The following NBPF20 variants were observed in gnomAD, a reference collection of about 807,000 sequenced individuals.
NBPF20 encodes the protein NBPF member 20.
A neutral mutation model predicts 68.1 loss-of-function variants in NBPF20; 90 were observed. The observed-to-expected ratio is 1.32, with a 90% CI of 1.11 to 1.58. The LOEUF (loss-of-function observed/expected upper bound fraction) is 1.58. Ranked by LOEUF, NBPF20 falls within the 40% of genes most tolerant of loss-of-function variation. The pLI is 0.00. For synonymous variants in NBPF20, 290 were observed against 228.1 expected, an observed-to-expected ratio of 1.27 and a Z score of -2.45; for missense variants, 816 against 601.2, an observed-to-expected ratio of 1.36 and a Z score of -3.74.
In NBPF20 at chr1:145,309,450, A is replaced by G. The variant is rs1196329402; in HGVS notation, c.13938-202T>C. On this transcript the variant is annotated intron_variant, in intron 115 of 137. Coordinates refer to ENST00000369373, the Ensembl canonical transcript of NBPF20. ...ATGAAAGAGAAAGACAGATAGACAC[A>G]CACACACACACACACACACACACAC... is the stretch of plus-strand genomic sequence containing the variant. Among the ~76,000 whole-genome samples the G allele has an allele frequency of 3.7e-5, 2 of 54,632 alleles. 1 individual carries two copies. Among genetic ancestry groups the G allele is most frequent in the Non-Finnish European group, 7.6e-5 (2 of 26,240 alleles). The allele number at this position is 54,632 out of a possible 152,430, so 35.8% of individuals were successfully genotyped here. A position where few individuals can be genotyped will look rare whatever the true frequency, so the allele number is the denominator to read the frequency against.
chr1:145,401,079 C>A, exon 5 of NBPF20: 4 of 1,608,354 alleles, frequency 2.5e-6, no homozygotes, highest in Non-Finnish European at 3.4e-6. Flanking sequence ...ACGATTTCTG[C>A]ACTTTCTCAG....
intron 136 of NBPF20, among the ~76,000 whole-genome samples, 151 bp from the exon 142 acceptor site, chr1:145,292,640 T>C (rs587719207): frequency 6.8e-6 from 1 of 147,884 alleles, no homozygotes; most frequent in South Asian, 2.1e-4. Context: ...CTGAAGGCTG[T>C]TCATGATAGA....
At chr1:145,404,554 G>A (rs1239425052) in intron 2 of NBPF20, among the ~76,000 whole-genome samples, 3 of 152,112 alleles carry the variant, frequency 2.0e-5, no homozygotes, top group African/African-American at 7.2e-5. Context: ...ACGTTGCACG[G>A]CCCCTACTCC....
At chr1:145,409,959 C>G (rs587732196), upstream of NBPF20, among the ~76,000 whole-genome samples, 4 of 151,910 alleles carry the variant, frequency 2.6e-5, no homozygotes, top group Non-Finnish European at 5.9e-5. Context: ...TGTCTCGTTA[C>G]GGAGCCACGA....
At chr1:145,397,518 A>G (rs1662313355) in intron 7 of NBPF20, among the ~76,000 whole-genome samples, 1 of 152,252 alleles carries the variant, frequency 6.6e-6, no homozygotes, top group Non-Finnish European at 1.5e-5. Flanking sequence ...TAAATCCTTT[A>G]CAGAGAAGCA....
chr1:145,292,061 G>C (rs587756203), intron 137 of NBPF20, among the ~76,000 whole-genome samples: 3 of 149,480 alleles, frequency 2.0e-5, no homozygotes, highest in East Asian at 1.9e-4. Flanking sequence ...CTCTGAGTTA[G>C]TGTCCTCATG....
At chr1:145,399,994 G>T (rs1489432684) in intron 6 of NBPF20, among the ~76,000 whole-genome samples, 1 of 152,146 alleles carries the variant, frequency 6.6e-6, no homozygotes, top group African/African-American at 2.4e-5. Flanking sequence ...GTGAAGCCGG[G>T]GGAACAATAT....
At chr1:145,403,962 T>C (rs1662646012) in intron 2 of NBPF20, among the ~76,000 whole-genome samples, 1 of 145,898 alleles carries the variant, frequency 6.9e-6, no homozygotes, top group South Asian at 2.3e-4. Context: ...ATAAATGTTC[T>C]AGGAGATTGA....
chr1:145,394,079 C>T (rs1279677491), intron 8 of NBPF20, 144 bp from the exon 14 acceptor site: 1 of 653,488 alleles, frequency 1.5e-6, no homozygotes, highest in Non-Finnish European at 2.7e-6. Flanking sequence ...TCCAGTAGGC[C>T]TGAGGTCAAG....
rs1427652219 is a variant in NBPF20 at position 145,390,347 on chromosome 1, C to A, written c.1494-231G>T. Among the ~76,000 whole-genome samples the A allele has an allele frequency of 4.6e-5, 3 of 65,586 alleles. 1 individual carries two copies. The highest frequency in any genetic ancestry group is 7.7e-5 in the Non-Finnish European group (3 of 39,108). The allele number at this position is 65,586 out of a possible 152,430, so 43.0% of individuals were successfully genotyped here. The stretch of plus-strand genomic sequence containing the variant: ...ACACACACACACACACACACACAGA[C>A]ACACACACAGACACACACACACACA... On this transcript the variant is annotated intron_variant, in intron 13 of 137. Transcript: ENST00000369373.
At chr1:145,392,633 A>ATTTTTTTT (rs1661964101) in intron 10 of NBPF20, among the ~76,000 whole-genome samples, 1 of 22,492 alleles carries the variant, frequency 4.4e-5, no homozygotes. Context: ...TTTCCAATCG[A>ATTTTTTTT]TTTAAAGCAA....
chr1:145,340,973 G>C (rs1254159282), intron 75 of NBPF20, 34 bp from the exon 81 acceptor site: 1,207 of 119,942 alleles, frequency 0.01, no homozygotes, highest in Middle Eastern at 0.03. Flanking sequence ...GAATAAGCCA[G>C]GGGGAATCAG....
chr1:145,419,102 AGGG>A, the NBPF20 span, among the ~76,000 whole-genome samples: 21 of 96,774 alleles, frequency 2.2e-4, no homozygotes, highest in African/African-American at 1.6e-3. Flanking sequence ...GAAGGAAGGG[AGGG>A]AGGGAGGGAG....
intron 129 of NBPF20, among the ~76,000 whole-genome samples, 197 bp from the exon 135 acceptor site, chr1:145,298,331 G>GACAC (rs1347470195): frequency 1.6e-4 from 22 of 136,730 alleles, no homozygotes; most frequent in African/African-American, 5.3e-4. Flanking sequence ...AAGACAGATA[G>GACAC]ACACACACAC....
exon 138 of NBPF20, chr1:145,291,492 C>T: frequency 1.2e-6 from 2 of 1,612,000 alleles, no homozygotes; most frequent in East Asian, 2.2e-5. Flanking sequence ...GTCCTGCCTG[C>T]AGGAATGACA....
chr1:145,403,217 T>C, exon 3 of NBPF20: 1 of 1,610,594 alleles, frequency 6.2e-7, no homozygotes, highest in Non-Finnish European at 8.5e-7. Flanking sequence ...TCCCCTCACC[T>C]GAGCTCCTCA....
At chr1:145,399,390 TCAAA>T (rs1446976599) in intron 6 of NBPF20, among the ~76,000 whole-genome samples, 3 of 152,048 alleles carry the variant, frequency 2.0e-5, no homozygotes, top group African/African-American at 7.2e-5. Flanking sequence ...CAAAAATTGG[TCAAA>T]CAATTTTCTA....
upstream of NBPF20, among the ~76,000 whole-genome samples, chr1:145,406,136 T>C (rs587623259): frequency 2.7e-4 from 40 of 146,896 alleles, no homozygotes; most frequent in African/African-American, 9.6e-4. Context: ...GGGGTTTCAC[T>C]GTGTTAGCCA....
chr1:145,410,150 A>C (rs1553668640), upstream of NBPF20, among the ~76,000 whole-genome samples: 2 of 151,858 alleles, frequency 1.3e-5, no homozygotes, highest in African/African-American at 4.8e-5. Context: ...CAAGTATAAG[A>C]CTTCCAAGTG....
Sources: allele counts gnomAD v4.1 joint callset (sites outside exome capture counted in the v4.1 genomes callset), GRCh38; gene constraint gnomAD v4.1.1; transcripts MANE v1.5; gene names NCBI Gene and HGNC (gene_info 2026-07-23, HGNC 2026-07-21).